The following ADAMTS17 variants were observed in gnomAD, a reference collection of about 807,000 sequenced individuals.
ADAMTS17 encodes the protein A disintegrin and metalloproteinase with thrombospondin motifs 17.
Under a neutral mutation model 141.5 loss-of-function variants are expected in ADAMTS17, and 113 were observed. The ratio of observed to expected loss-of-function variants is 0.80; its 90% CI spans 0.69 to 0.93. The LOEUF is 0.93. Ranked by LOEUF, ADAMTS17 falls within the 40% of genes least tolerant of loss-of-function variation. The probability of loss-of-function intolerance (pLI) is 0.00; values close to 1 mark genes in which losing one functional copy is unlikely to be tolerated. For missense variants in ADAMTS17, 1,659 were observed against 1,517.9 expected, an observed-to-expected ratio of 1.09 and a Z score of -1.54; for synonymous variants, 768 against 630.6, an observed-to-expected ratio of 1.22 and a Z score of -3.27.
At chr15:100,109,430 A>G (rs2036608636) in intron 13 of ADAMTS17, among the ~76,000 whole-genome samples, 1 of 151,810 alleles carries the variant, frequency 6.6e-6, no homozygotes, top group African/African-American at 2.4e-5. Context: ...GCTAATCTCT[A>G]CGTTGAATAC....
intron 6 of ADAMTS17, among the ~76,000 whole-genome samples, chr15:100,260,720 C>T (rs1474971491): frequency 1.3e-5 from 2 of 152,102 alleles, no homozygotes; most frequent in Non-Finnish European, 2.9e-5. Flanking sequence ...CTCCCTTCCA[C>T]AACTTTACTT....
intron 20 of ADAMTS17, among the ~76,000 whole-genome samples, chr15:99,983,221 G>T (rs1029284637): frequency 1.7e-4 from 26 of 152,146 alleles, no homozygotes; most frequent in African/African-American, 5.6e-4. Flanking sequence ...CCGGGCTTAC[G>T]TACGAGCTTG....
chr15:100,265,474 C>T (rs1377334405), intron 4 of ADAMTS17, among the ~76,000 whole-genome samples: 2 of 152,196 alleles, frequency 1.3e-5, no homozygotes, highest in Non-Finnish European at 2.9e-5. Context: ...TCAGTCCTGG[C>T]TGCGTTTGTC....
chr15:100,077,283 C>CA (rs71151934), intron 15 of ADAMTS17, among the ~76,000 whole-genome samples: 35,919 of 54,404 alleles, frequency 0.66, 15,084 homozygotes, highest in East Asian at 0.9. Flanking sequence ...ATCTCTACCA[C>CA]AAAAAAAAAA....
In ADAMTS17 at chr15:99,974,138, C is replaced by G; in HGVS notation, c.*264G>C. ...ACGGTTGTCTGCCAGAGGTGCTTCC[C>G]TTCGAGGTACCTGAAATCCTAGAAA... On this transcript the variant is annotated 3_prime_UTR_variant, in exon 22 of 22. Transcript: ENST00000268070. The G allele has an allele frequency of 3.7e-6, 2 of 534,016 alleles. No homozygotes were observed. Among genetic ancestry groups the G allele is most frequent in the Admixed American group, 3.1e-5 (1 of 31,864 alleles). 33.1% of individuals were successfully genotyped at this position (534,016 alleles called of 1,614,324 possible).
At chr15:100,308,364 T>G (rs2045294057) in intron 3 of ADAMTS17, among the ~76,000 whole-genome samples, 1 of 152,224 alleles carries the variant, frequency 6.6e-6, no homozygotes, top group Non-Finnish European at 1.5e-5. Flanking sequence ...ACGACAGTTG[T>G]AAATCTCAGA....
chr15:100,337,237 A>G (rs994102424), intron 2 of ADAMTS17, among the ~76,000 whole-genome samples: 1 of 152,242 alleles, frequency 6.6e-6, no homozygotes, highest in Non-Finnish European at 1.5e-5. Flanking sequence ...TGCATTCTCT[A>G]AAGTTCTCAA....
rs113542754 is a variant in ADAMTS17, at chr15:100,018,560, C to G, written c.2592-20971G>C. Among the ~76,000 whole-genome samples, 183 of 152,264 alleles carry G rather than the reference C, an allele frequency of 1.2e-3. 3 individuals are homozygous for G. Among genetic ancestry groups the G allele is most frequent in the African/African-American group, 4.1e-3 (169 of 41,552 alleles). On this transcript the variant is annotated intron_variant, in intron 18 of 21. Coordinates refer to ENST00000268070, the MANE Select transcript of ADAMTS17 (RefSeq NM_139057.4). ...CCCACTTCTCTCTCTTCCTCCTGCT[C>G]CAGCCAGGTAGGAAGTGCCTACTTC...
At chr15:100,033,620 C>T (rs750237210) in intron 18 of ADAMTS17, among the ~76,000 whole-genome samples, 1 of 152,086 alleles carries the variant, frequency 6.6e-6, no homozygotes, top group Non-Finnish European at 1.5e-5. Flanking sequence ...ACCATGCTCC[C>T]GTTTGTTGGC....
rs372869496 is a variant in ADAMTS17 at position 100,232,847 on chromosome 15, C to T, written c.1075+21289G>A. On this transcript the variant is annotated intron_variant, in intron 7 of 21. Transcript: ENST00000268070. ...GGTCTCGGTTGGAGGCGGCGCAGAT[C>T]GATTCCACTGCAGCAGGTCTCACAG... Among the ~76,000 whole-genome samples the T allele has an allele frequency of 5.3e-4, 80 of 152,250 alleles. 1 individual carries two copies. The highest frequency in any genetic ancestry group is 1.7e-3 in the African/African-American group (71 of 41,548).
intron 7 of ADAMTS17, among the ~76,000 whole-genome samples, chr15:100,226,112 C>T (rs1596317102): frequency 6.7e-6 from 1 of 148,244 alleles, no homozygotes; most frequent in Admixed American, 6.8e-5. Flanking sequence ...GGTCTCTGTG[C>T]CATTCAGTCC....
rs776806216 is a variant in ADAMTS17, at chr15:100,054,017, G to T, written c.2175C>A (p.Asp725Glu). ...ACTCTCCGGGGAGCTCTATCTTCCA[G>T]TCACTGTTGATGGACCCCTTACCCG... is the stretch of plus-strand genomic sequence containing the variant. ...KDSGKGSINS[D>E]WKIELPGEFQ... is the part of the protein sequence containing the mutation. Residue 725 changes from aspartate (D) to glutamate (E), a missense_variant, in exon 16 of 22, where the codon GAC becomes GAA. Transcript: ENST00000268070. The T allele has an allele frequency of 6.2e-7, 1 of 1,614,192 alleles. No homozygotes were observed. Among genetic ancestry groups the T allele is most frequent in the Non-Finnish European group, 8.5e-7 (1 of 1,180,038 alleles).
chr15:100,150,386 G>C (rs1425453358), intron 10 of ADAMTS17, among the ~76,000 whole-genome samples: 2 of 152,100 alleles, frequency 1.3e-5, no homozygotes, highest in Non-Finnish European at 2.9e-5. Flanking sequence ...CCCTGGGCTC[G>C]CTTTCCAGCC....
chr15:100,244,823 G>A (rs2042938402), intron 7 of ADAMTS17, among the ~76,000 whole-genome samples: 1 of 152,130 alleles, frequency 6.6e-6, no homozygotes, highest in African/African-American at 2.4e-5. Context: ...AGTGCAGGCT[G>A]TTTATGAACA....
chr15:100,133,068 G>A (rs889550749), intron 11 of ADAMTS17, 146 bp downstream of exon 11: 30 of 667,860 alleles, frequency 4.5e-5, no homozygotes, highest in Admixed American at 7.7e-5. Context: ...CTCTGTGCCC[G>A]GAGTGGCCTC....
intron 8 of ADAMTS17, among the ~76,000 whole-genome samples, chr15:100,173,633 G>A (rs2040236505): frequency 6.6e-6 from 1 of 152,212 alleles, no homozygotes; most frequent in Admixed American, 6.5e-5. Context: ...CTTTATGCCA[G>A]ACCTCTCTCT....
At chr15:100,300,323 C>T (rs58114052) in intron 3 of ADAMTS17, among the ~76,000 whole-genome samples, 15,281 of 151,904 alleles carry the variant, frequency 0.1, 1,244 homozygotes, top group East Asian at 0.3. Flanking sequence ...TCCCTTTTGG[C>T]CTAGACCCAT....
intron 18 of ADAMTS17, among the ~76,000 whole-genome samples, chr15:100,039,450 G>A (rs1381787230): frequency 6.6e-6 from 1 of 152,016 alleles, no homozygotes; most frequent in Admixed American, 6.6e-5. Flanking sequence ...CCTTCACCTC[G>A]ATTCATCTCA....
intron 20 of ADAMTS17, among the ~76,000 whole-genome samples, chr15:99,981,952 G>GCCCCCCCC (rs2060489750): frequency 6.6e-6 from 1 of 152,220 alleles, no homozygotes; most frequent in Non-Finnish European, 1.5e-5. Context: ...TGATGGAGAG[G>GCCCCCCCC]CCATGCAGTG....
Sources: allele counts gnomAD v4.1 joint callset (sites outside exome capture counted in the v4.1 genomes callset), GRCh38; gene constraint gnomAD v4.1.1; transcripts MANE v1.5; gene names NCBI Gene and HGNC (gene_info 2026-07-23, HGNC 2026-07-21).